TTC28: variants seen among roughly 807,000 people sequenced by gnomAD.
TTC28 encodes tetratricopeptide repeat domain 28, also known as tetratricopeptide repeat protein 28.
TTC28 carries 61 observed loss-of-function variants against 198.0 expected under a neutral mutation model. The observed-to-expected ratio is 0.31, with a 90% confidence interval of 0.25 to 0.38. The LOEUF (loss-of-function observed/expected upper bound fraction) is 0.38. Among genes scored for constraint, TTC28 ranks in the 10% least tolerant of loss-of-function variants. TTC28 has a pLI of 1.00. For missense variants in TTC28, 2,678 were observed against 3,164.0 expected (o/e 0.85, Z 3.69); for synonymous variants, 1,171 against 1,297.8 (o/e 0.90, Z 2.10).
intron 1 of TTC28, among the ~76,000 whole-genome samples, chr22:28,661,420 T>C (rs2145696143): frequency 6.6e-6 from 1 of 152,298 alleles, no homozygotes; most frequent in Admixed American, 6.5e-5. Flanking sequence ...ATAACATTCA[T>C]TTATTCATTT....
At chr22:28,674,928 C>T (rs1017751589) in intron 1 of TTC28, among the ~76,000 whole-genome samples, 3 of 151,448 alleles carry the variant, frequency 2.0e-5, no homozygotes, top group African/African-American at 7.3e-5. Context: ...ATAAGGGACC[C>T]AAAATAGCCA....
At position 28,399,315 on chromosome 22, in the gene TTC28, C is replaced by CCGTTTTTTTTTTTTTTTTTTTTTT. The variant is rs1411214854; in HGVS notation, c.382-92673_382-92672insAAAAAAAAAAAAAAAAAAAAAACG. Among the ~76,000 whole-genome samples the CCGTTTTTTTTTTTTTTTTTTTTTT allele has an allele frequency of 1.5e-5, 2 of 133,110 alleles. 1 individual carries two copies. The allele number at this position is 133,110 out of a possible 152,430, so 87.3% of individuals were successfully genotyped here. On this transcript the variant is annotated intron_variant, in intron 2 of 22. Coordinates refer to ENST00000397906, the MANE Select transcript of TTC28 (RefSeq NM_001145418.2). ...ATGTTTGTATAAGTTGAGACTAAAA[C>CCGTTTTTTTTTTTTTTTTTTTTTT]TGTTTTTTTTTTTTTTTTTTTGAGA... is the stretch of plus-strand genomic sequence containing the variant.
At chr22:28,127,426 T>A (rs1212005785) in intron 6 of TTC28, among the ~76,000 whole-genome samples, 1 of 152,102 alleles carries the variant, frequency 6.6e-6, no homozygotes, top group Admixed American at 6.6e-5. Context: ...CCTCCCCTAA[T>A]CCTTGCTCCC....
chr22:28,153,964 C>T (rs1373260580), intron 6 of TTC28, among the ~76,000 whole-genome samples: 1 of 152,130 alleles, frequency 6.6e-6, no homozygotes, highest in Non-Finnish European at 1.5e-5. Flanking sequence ...CTGAAATGTA[C>T]TCACCTTTGT....
At chr22:28,070,460 A>G (rs1270109506) in intron 12 of TTC28, among the ~76,000 whole-genome samples, 1 of 152,180 alleles carries the variant, frequency 6.6e-6, no homozygotes, top group Non-Finnish European at 1.5e-5. Context: ...TGTAGAGAAC[A>G]GGGATGTGGT....
rs76382168 is a variant in TTC28 at position 28,595,619 on chromosome 22, A to G, written c.381+33933T>C. 8.6e-3 allele frequency among the ~76,000 whole-genome samples: 1,309 copies of G among 152,256 alleles called. 23 individuals are homozygous for G. The highest frequency in any genetic ancestry group is 0.027 in the African/African-American group (1,102 of 41,532). On this transcript the variant is annotated intron_variant, in intron 2 of 22. Transcript: ENST00000397906. The stretch of plus-strand genomic sequence containing the variant: ...AGTCATTTGTTGAACAAACGATTAC[A>G]TATCTTTAATAAGTAATAATATGTG...
chr22:28,023,546 A>G (rs1938697736), intron 13 of TTC28, among the ~76,000 whole-genome samples: 2 of 152,162 alleles, frequency 1.3e-5, no homozygotes, highest in African/African-American at 4.8e-5. Flanking sequence ...CCCCCTTCCA[A>G]AGGACTTTCC....
At chr22:28,302,654 G>GTTTTTGTTTTTTGGTTTTTGT (rs2045050462) in intron 3 of TTC28, among the ~76,000 whole-genome samples, 3 of 152,078 alleles carry the variant, frequency 2.0e-5, no homozygotes, top group Non-Finnish European at 4.4e-5. Flanking sequence ...AGAAGCCTAT[G>GTTTTTGTTTTTTGGTTTTTGT]TTTTTGTTTT....
At chr22:28,032,317 T>C (rs1241177811) in intron 12 of TTC28, among the ~76,000 whole-genome samples, 2 of 145,438 alleles carry the variant, frequency 1.4e-5, no homozygotes, top group Non-Finnish European at 3.0e-5. Context: ...TTTGTATATA[T>C]ATATCTCTTT....
chr22:28,054,837 C>A (rs1346384491), intron 12 of TTC28, among the ~76,000 whole-genome samples: 1 of 152,192 alleles, frequency 6.6e-6, no homozygotes, highest in Non-Finnish European at 1.5e-5. Flanking sequence ...CATACAAATC[C>A]TTTTCATCTA....
At chr22:28,677,201 T>TAC (rs58904905) in intron 1 of TTC28, among the ~76,000 whole-genome samples, 13 of 86,932 alleles carry the variant, frequency 1.5e-4, no homozygotes, top group African/African-American at 5.9e-4. Flanking sequence ...TATATATATA[T>TAC]ACACACATAT....
chr22:28,199,550 C>T lies in TTC28; in HGVS notation c.934-35951G>A, dbSNP rs935915387. 1.1e-3 allele frequency among the ~76,000 whole-genome samples: 108 copies of T among 96,464 alleles called. 4 individuals are homozygous for T. The highest frequency in any genetic ancestry group is 3.3e-3 in the African/African-American group (91 of 27,828). 63.3% of individuals were successfully genotyped at this position (96,464 alleles called of 152,430 possible). A position where few individuals can be genotyped will look rare whatever the true frequency, so the allele number is the denominator to read the frequency against. On this transcript the variant is annotated intron_variant, in intron 5 of 22. Coordinates refer to ENST00000397906, the MANE Select transcript of TTC28 (RefSeq NM_001145418.2). ...CTATACATATATATATATATATATA[C>T]ACACAAACACTAAATTATTTGTGTG...
intron 15 of TTC28, chr22:27,999,613 G>A: frequency 4.3e-6 from 1 of 230,946 alleles, no homozygotes; most frequent in Non-Finnish European, 8.4e-6. Context: ...TTCATGTGTG[G>A]CTCCTAAATA....
intron 6 of TTC28, among the ~76,000 whole-genome samples, chr22:28,119,718 G>T (rs773156386): frequency 6.6e-6 from 1 of 152,168 alleles, no homozygotes; most frequent in African/African-American, 2.4e-5. Context: ...CACCCAAAAC[G>T]ACAATAGCAC....
At chr22:28,284,099 A>G (rs2044635256) in intron 5 of TTC28, among the ~76,000 whole-genome samples, 1 of 152,168 alleles carries the variant, frequency 6.6e-6, no homozygotes, top group Admixed American at 6.5e-5. Context: ...CTGGAATACC[A>G]TAGGAGGTTT....
intron 2 of TTC28, among the ~76,000 whole-genome samples, chr22:28,600,433 G>A (rs1270980773): frequency 2.6e-5 from 4 of 151,928 alleles, no homozygotes; most frequent in African/African-American, 9.7e-5. Context: ...TATGTTCGAG[G>A]ACATATATCT....
At chr22:28,035,111 C>A (rs757332236) in intron 12 of TTC28, among the ~76,000 whole-genome samples, 4 of 152,206 alleles carry the variant, frequency 2.6e-5, no homozygotes, top group African/African-American at 2.4e-5. Context: ...CTGACAGTTG[C>A]AACTGAAGCT....
chr22:28,390,878 C>T (rs1223101935), intron 2 of TTC28, among the ~76,000 whole-genome samples: 1 of 152,124 alleles, frequency 6.6e-6, no homozygotes, highest in Non-Finnish European at 1.5e-5. Context: ...GAATTTGATC[C>T]TGTCATTATG....
At chr22:27,984,986 C>T (rs180843284) in intron 22 of TTC28, among the ~76,000 whole-genome samples, 1 of 152,294 alleles carries the variant, frequency 6.6e-6, no homozygotes, top group Admixed American at 6.5e-5. Flanking sequence ...CGCCGCGTTC[C>T]CGTCTGCTCT....
Sources: allele counts gnomAD v4.1 joint callset (sites outside exome capture counted in the v4.1 genomes callset), GRCh38; gene constraint gnomAD v4.1.1; transcripts MANE v1.5; gene names NCBI Gene and HGNC (gene_info 2026-07-23, HGNC 2026-07-21).